DRAM1: variants seen among roughly 807,000 people sequenced by gnomAD.
DRAM1 encodes DNA damage-regulated autophagy modulator protein 1.
DRAM1 carries 25 observed loss-of-function variants against 28.5 expected under a neutral mutation model. That is an observed-to-expected ratio of 0.88 (90% CI 0.64 to 1.23). The LOEUF (loss-of-function observed/expected upper bound fraction) is 1.23. Ranked by LOEUF, DRAM1 falls within the 50% of genes most tolerant of loss-of-function variation. The probability of loss-of-function intolerance (pLI) is 0.00; values close to 1 mark genes in which losing one functional copy is unlikely to be tolerated. For synonymous variants in DRAM1, 113 were observed against 114.2 expected (o/e 0.99, Z 0.07); for missense variants, 249 against 299.2 (o/e 0.83, Z 1.24).
chr12:101,916,610 A>G (rs1874252145), intron 5 of DRAM1, among the ~76,000 whole-genome samples: 1 of 152,224 alleles, frequency 6.6e-6, no homozygotes, highest in South Asian at 2.1e-4. Flanking sequence ...GACGCCTTAT[A>G]GGAGAATCAA....
chr12:101,884,822 C>T (rs1050383063), intron 1 of DRAM1, among the ~76,000 whole-genome samples: 2 of 151,970 alleles, frequency 1.3e-5, no homozygotes, highest in Non-Finnish European at 2.9e-5. Context: ...AAAAATGATA[C>T]TAAAAATTAG....
At chr12:101,880,791 A>G (rs1212688058) in intron 1 of DRAM1, among the ~76,000 whole-genome samples, 3 of 152,208 alleles carry the variant, frequency 2.0e-5, no homozygotes, top group African/African-American at 7.2e-5. Flanking sequence ...ATAAGCTGAC[A>G]AGGTGAACCA....
At chr12:101,916,878 T>C (rs1310390786) in intron 5 of DRAM1, among the ~76,000 whole-genome samples, 1 of 152,188 alleles carries the variant, frequency 6.6e-6, no homozygotes, top group Non-Finnish European at 1.5e-5. Flanking sequence ...CAGCCAGTTG[T>C]CAATGGCTAA....
At chr12:101,910,908 G>A (rs906513260) in intron 4 of DRAM1, among the ~76,000 whole-genome samples, 2 of 152,070 alleles carry the variant, frequency 1.3e-5, no homozygotes, top group Admixed American at 6.6e-5. Flanking sequence ...AAACATTAGT[G>A]TGGTATTTAT....
chr12:101,913,783 C>A (rs1393934734), intron 4 of DRAM1, among the ~76,000 whole-genome samples: 2 of 147,946 alleles, frequency 1.4e-5, no homozygotes, highest in Non-Finnish European at 3.0e-5. Flanking sequence ...GGGAAGTATT[C>A]AAAAAGAACC....
chr12:101,877,590 GGCAGCCTCGCCGCCC>G lies in DRAM1; in HGVS notation c.-189_-175del. ...GCCCGCGCCCCACCCACTCTGGCCC[GGCAGCCTCGCCGCCC>G]GCAGCCTCGCTCCGCTCCTCGCGCT... is the stretch of plus-strand genomic sequence containing the variant. On this transcript the variant is annotated 5_prime_UTR_variant, in exon 1 of 7. Transcript: ENST00000258534. This position sits in a 1 kb window ranked among gnomAD's most constrained non-coding sequence, Gnocchi z 4.1. The G allele has an allele frequency of 3.4e-6, 1 of 297,084 alleles. No individual in the cohort carries two copies. Among genetic ancestry groups the G allele is most frequent in the Non-Finnish European group, 6.1e-6 (1 of 164,956 alleles). 18.4% of individuals were successfully genotyped at this position (297,084 alleles called of 1,614,324 possible). A position where few individuals can be genotyped will look rare whatever the true frequency, so the allele number is the denominator to read the frequency against.
chr12:101,919,058 A>T (rs2121175581), intron 5 of DRAM1, among the ~76,000 whole-genome samples: 1 of 151,968 alleles, frequency 6.6e-6, no homozygotes, highest in East Asian at 1.9e-4. Flanking sequence ...AGTAGCTGGG[A>T]CTGCAGGCGC....
intron 1 of DRAM1, among the ~76,000 whole-genome samples, chr12:101,895,186 G>GTTTGTTTTTTTTTTT (rs1372490429): frequency 7.9e-5 from 6 of 75,722 alleles, no homozygotes; most frequent in African/African-American, 3.3e-4. Flanking sequence ...AACCCTTCAG[G>GTTTGTTTTTTTTTTT]TTTTTTTTTT....
At chr12:101,899,055 G>C (rs1042752519) in intron 2 of DRAM1, among the ~76,000 whole-genome samples, 1 of 152,114 alleles carries the variant, frequency 6.6e-6, no homozygotes, top group African/African-American at 2.4e-5. Context: ...TGTAACCAAC[G>C]CTTTCTGTTC....
chr12:101,895,760 C>T (rs1037292765), intron 1 of DRAM1, among the ~76,000 whole-genome samples: 4 of 150,860 alleles, frequency 2.7e-5, no homozygotes, highest in African/African-American at 7.3e-5. Context: ...TTAGTAGAGA[C>T]AGGGTTTCAC....
intron 5 of DRAM1, among the ~76,000 whole-genome samples, chr12:101,918,824 G>GC (rs974200348): frequency 3.9e-5 from 6 of 152,034 alleles, no homozygotes; most frequent in African/African-American, 1.5e-4. Flanking sequence ...ATCAGAGGGG[G>GC]CACACTGACA....
chr12:101,910,040 T>C (rs1336205915), intron 4 of DRAM1, among the ~76,000 whole-genome samples: 1 of 152,242 alleles, frequency 6.6e-6, no homozygotes. Flanking sequence ...AATATTAAGC[T>C]TTGTGTTTCT....
intron 4 of DRAM1, 88 bp downstream of exon 4, chr12:101,908,451 C>T: frequency 7.4e-7 from 1 of 1,344,208 alleles, no homozygotes; most frequent in Non-Finnish European, 1.0e-6. Flanking sequence ...TTTATAGGGA[C>T]CGCTGCAATG....
At chr12:101,910,037 A>C (rs1432693159) in intron 4 of DRAM1, among the ~76,000 whole-genome samples, 1 of 152,226 alleles carries the variant, frequency 6.6e-6, no homozygotes, top group Non-Finnish European at 1.5e-5. Flanking sequence ...CTAAATATTA[A>C]GCTTTGTGTT....
intron 3 of DRAM1, among the ~76,000 whole-genome samples, chr12:101,901,988 A>G (rs1442102632): frequency 3.9e-5 from 6 of 151,934 alleles, no homozygotes; most frequent in Admixed American, 6.6e-5. Context: ...GCATTGCTCC[A>G]TGTTGTCATT....
At chr12:101,904,426 GGTTTTTTTTTTTTTT>G (rs1873721536) in intron 3 of DRAM1, among the ~76,000 whole-genome samples, 10 of 39,148 alleles carry the variant, frequency 2.6e-4, no homozygotes, top group Admixed American at 6.2e-4. Context: ...GAGCTTTAGG[GGTTTTTTTTTTTTTT>G]TTTTTTTTTT....
chr12:101,919,790 T>A (rs1288300908), intron 5 of DRAM1, among the ~76,000 whole-genome samples: 1 of 152,220 alleles, frequency 6.6e-6, no homozygotes, highest in Non-Finnish European at 1.5e-5. Flanking sequence ...GGAAATTTCT[T>A]TCTTCTGTTG....
chr12:101,909,298 A>G (rs1393913434), intron 4 of DRAM1, among the ~76,000 whole-genome samples: 2 of 151,108 alleles, frequency 1.3e-5, no homozygotes, highest in Admixed American at 6.6e-5. Context: ...AAATGTCTCA[A>G]CATTGTCTAA....
intron 2 of DRAM1, among the ~76,000 whole-genome samples, chr12:101,900,270 A>T (rs527278081): frequency 6.1e-4 from 93 of 152,366 alleles, no homozygotes; most frequent in African/African-American, 2.1e-3. Context: ...AAACTATGCA[A>T]TAATTAAATT....
Sources: allele counts gnomAD v4.1 joint callset (sites outside exome capture counted in the v4.1 genomes callset), GRCh38; gene constraint gnomAD v4.1.1; non-coding constraint Gnocchi (gnomAD v3.1); transcripts MANE v1.5; gene names NCBI Gene and HGNC (gene_info 2026-07-23, HGNC 2026-07-21).